Variants in PAPPA2 observed in about 807,000 individuals in gnomAD.
The protein encoded by PAPPA2 is pappalysin 2.
PAPPA2 carries 86 observed loss-of-function variants against 176.4 expected under a neutral mutation model. The observed-to-expected ratio is 0.49, with a 90% CI of 0.41 to 0.58. The LOEUF (loss-of-function observed/expected upper bound fraction) is 0.58. Among genes scored for constraint, PAPPA2 ranks in the 20% least tolerant of loss-of-function variants. The pLI is 0.00. For missense variants in PAPPA2, 2,073 were observed against 2,256.9 expected (o/e 0.92, Z 1.65); for synonymous variants, 809 against 852.2 (o/e 0.95, Z 0.88).
chr1:176,496,026 T>C (rs1647599013), intron 1 of PAPPA2, among the ~76,000 whole-genome samples: 1 of 152,202 alleles, frequency 6.6e-6, no homozygotes, highest in African/African-American at 2.4e-5. Flanking sequence ...CTGTAGTCAC[T>C]GTTTTATTTA....
chr1:176,715,488 T>C (rs910535500), intron 12 of PAPPA2, among the ~76,000 whole-genome samples: 3 of 152,192 alleles, frequency 2.0e-5, no homozygotes, highest in Non-Finnish European at 4.4e-5. Flanking sequence ...TTGTGGGGCC[T>C]CTGTGCCCCA....
At chr1:176,737,177 C>T (rs981676263) in intron 12 of PAPPA2, among the ~76,000 whole-genome samples, 3 of 151,844 alleles carry the variant, frequency 2.0e-5, no homozygotes, top group Admixed American at 6.6e-5. Context: ...GTCAAGCTGT[C>T]GGTAACATCT....
intron 3 of PAPPA2, among the ~76,000 whole-genome samples, chr1:176,660,592 G>C (rs182186874): frequency 6.6e-6 from 1 of 152,074 alleles, no homozygotes; most frequent in Admixed American, 6.6e-5. Flanking sequence ...CCAGGATTTA[G>C]TGTGAGTTGT....
At chr1:176,809,655 G>T (rs1425546954) in intron 21 of PAPPA2, among the ~76,000 whole-genome samples, 1 of 152,150 alleles carries the variant, frequency 6.6e-6, no homozygotes, top group Non-Finnish European at 1.5e-5. Context: ...CATAAAAATT[G>T]AGGGTTTTCG....
At chr1:176,577,459 C>T (rs1424383568) in intron 2 of PAPPA2, among the ~76,000 whole-genome samples, 1 of 152,154 alleles carries the variant, frequency 6.6e-6, no homozygotes. Context: ...AAACAGTCCC[C>T]AGGAGGTTTT....
In PAPPA2 at chr1:176,842,413, G is replaced by A; in HGVS notation, c.5335G>A (p.Glu1779Lys). The change falls in exon 23 of 23, where the codon GAG (glutamate) becomes AAG (lysine). Residue 1779 changes from glutamate to lysine, a missense_variant. Transcript: ENST00000367662. ...ATTTGCTGCTGACTGTGACCTGGATGAGTGCACCTGCCGGGACCCCAAGGC... is the reference window on the plus strand; with the variant it reads ...ATTTGCTGCTGACTGTGACCTGGATAAGTGCACCTGCCGGGACCCCAAGGC... The part of the protein sequence containing the change: ...IPFAADCDLD[E>K]CTCRDPKAEE... The A allele has an allele frequency of 6.2e-7, 1 of 1,613,404 alleles. No homozygotes were observed. The highest frequency in any genetic ancestry group is 1.3e-5 in the African/African-American group (1 of 74,962).
intron 6 of PAPPA2, among the ~76,000 whole-genome samples, chr1:176,693,483 CT>C (rs1660217397): frequency 6.6e-6 from 1 of 152,208 alleles, no homozygotes; most frequent in Non-Finnish European, 1.5e-5. Context: ...CACTTTCCCT[CT>C]GGGTGTCAGG....
chr1:176,731,703 A>C (rs895455316), intron 12 of PAPPA2, among the ~76,000 whole-genome samples: 1 of 151,922 alleles, frequency 6.6e-6, no homozygotes, highest in Admixed American at 6.6e-5. Flanking sequence ...GTGTACATAT[A>C]TGTGTATATA....
chr1:176,484,552 G>A (rs2223579), intron 1 of PAPPA2, among the ~76,000 whole-genome samples: 3 of 152,046 alleles, frequency 2.0e-5, no homozygotes, highest in African/African-American at 7.3e-5. Flanking sequence ...GCCATTTTTC[G>A]GTTTGCTTTG....
chr1:176,530,840 T>G (rs1306056286), intron 1 of PAPPA2, among the ~76,000 whole-genome samples: 1 of 152,226 alleles, frequency 6.6e-6, no homozygotes, highest in Non-Finnish European at 1.5e-5. Flanking sequence ...TGAATTGGTA[T>G]GGAAAATAGG....
chr1:176,596,142 G>A (rs1653966487), intron 3 of PAPPA2, among the ~76,000 whole-genome samples: 1 of 152,196 alleles, frequency 6.6e-6, no homozygotes, highest in African/African-American at 2.4e-5. Context: ...ATCTTTCACT[G>A]TTGCCCCATT....
chr1:176,548,508 G>A lies in PAPPA2; in HGVS notation c.-916-6899G>A, dbSNP rs1253517385. 6.6e-5 allele frequency among the ~76,000 whole-genome samples: 10 copies of A among 152,138 alleles called. No homozygotes were observed. In the East Asian group the frequency reaches 1.3e-3, roughly 21 times the overall value. On this transcript the variant is annotated intron_variant, in intron 1 of 22. Coordinates refer to ENST00000367662, the MANE Select transcript of PAPPA2 (RefSeq NM_020318.3). ...ATTACTCCAGAGGAATCACTGAGTC[G>A]TACTTACCAGGAAAAGTCTGGTTTT...
At chr1:176,568,936 A>T (rs1329052058) in intron 2 of PAPPA2, among the ~76,000 whole-genome samples, 1 of 152,050 alleles carries the variant, frequency 6.6e-6, no homozygotes, top group Non-Finnish European at 1.5e-5. Flanking sequence ...CCATCAGAAG[A>T]CTCTGCTGCA....
chr1:176,655,267 T>A (rs982197100), intron 3 of PAPPA2, among the ~76,000 whole-genome samples: 2 of 151,878 alleles, frequency 1.3e-5, no homozygotes, highest in Non-Finnish European at 2.9e-5. Context: ...TTGCTCATGG[T>A]TTTTATCATG....
intron 4 of PAPPA2, among the ~76,000 whole-genome samples, chr1:176,684,803 T>C (rs1659756561): frequency 1.3e-5 from 2 of 152,198 alleles, no homozygotes; most frequent in African/African-American, 2.4e-5. Flanking sequence ...TTTCCTTTCC[T>C]CTTGCAATTA....
At chr1:176,550,141 C>T (rs549911201) in intron 1 of PAPPA2, among the ~76,000 whole-genome samples, 8 of 152,330 alleles carry the variant, frequency 5.3e-5, no homozygotes, top group African/African-American at 1.9e-4. Flanking sequence ...TAGCATAATG[C>T]ATTTGAAATT....
chr1:176,579,127 G>A (rs1558449403), intron 2 of PAPPA2, among the ~76,000 whole-genome samples: 1 of 152,122 alleles, frequency 6.6e-6, no homozygotes, highest in Non-Finnish European at 1.5e-5. Context: ...ATAGGGGAGA[G>A]GGGAGCTTTC....
At chr1:176,501,762 A>G (rs900758991) in intron 1 of PAPPA2, among the ~76,000 whole-genome samples, 1 of 152,170 alleles carries the variant, frequency 6.6e-6, no homozygotes, top group Admixed American at 6.5e-5. Context: ...GTAAAAAACA[A>G]CAACATGTCT....
chr1:176,795,932 A>AC (rs1173415075), intron 20 of PAPPA2, among the ~76,000 whole-genome samples: 3 of 152,240 alleles, frequency 2.0e-5, no homozygotes, highest in African/African-American at 7.2e-5. Context: ...TCCCCAAAAC[A>AC]TAAATAGTGC....
Sources: allele counts gnomAD v4.1 joint callset (sites outside exome capture counted in the v4.1 genomes callset), GRCh38; gene constraint gnomAD v4.1.1; transcripts MANE v1.5; gene names NCBI Gene and HGNC (gene_info 2026-07-23, HGNC 2026-07-21).